The following FGD4 variants were observed in gnomAD, a reference collection of about 807,000 sequenced individuals.
FGD4 encodes FYVE, RhoGEF and PH domain containing 4.
In FGD4, 42 loss-of-function variants were observed where a neutral mutation model predicts 102.0. The ratio of observed to expected loss-of-function variants is 0.41; its 90% CI spans 0.32 to 0.53. The LOEUF is 0.53. Among genes scored for constraint, FGD4 ranks in the 20% least tolerant of loss-of-function variants. The probability of loss-of-function intolerance (pLI) is 0.21; values close to 1 mark genes in which losing one functional copy is unlikely to be tolerated. For missense variants in FGD4, 902 were observed against 1,078.2 expected (o/e 0.84, Z 2.29); for synonymous variants, 380 against 375.7 (o/e 1.01, Z -0.13).
chr12:32,499,409 A>G (rs1938025520), intron 1 of FGD4, among the ~76,000 whole-genome samples: 1 of 152,218 alleles, frequency 6.6e-6, no homozygotes, highest in East Asian at 1.9e-4. Context: ...AGAGGACATT[A>G]CTATTCCTTA....
At chr12:32,473,411 G>A (rs571940021) in intron 1 of FGD4, among the ~76,000 whole-genome samples, 25 of 151,976 alleles carry the variant, frequency 1.6e-4, no homozygotes, top group Non-Finnish European at 1.2e-4. Flanking sequence ...GAGCCCACTG[G>A]GGGGAAGGAA....
At chr12:32,525,290 TGA>T (rs1425937442) in intron 1 of FGD4, among the ~76,000 whole-genome samples, 1 of 152,192 alleles carries the variant, frequency 6.6e-6, no homozygotes, top group Non-Finnish European at 1.5e-5. Flanking sequence ...AACAAGGCTG[TGA>T]GAGTTATGAA....
At chr12:32,572,630 T>C (rs778279766) in intron 2 of FGD4, among the ~76,000 whole-genome samples, 7 of 152,256 alleles carry the variant, frequency 4.6e-5, no homozygotes, top group Non-Finnish European at 8.8e-5. Context: ...ATTTATAATC[T>C]TTTCCCTTCT....
intron 1 of FGD4, among the ~76,000 whole-genome samples, chr12:32,460,739 A>G (rs1943081824): frequency 6.6e-6 from 1 of 152,158 alleles, no homozygotes; most frequent in Admixed American, 6.5e-5. Context: ...TGATTATATG[A>G]TTTCCTTTGC....
chr12:32,582,617 C>A, intron 4 of FGD4, 150 bp downstream of exon 4: 1 of 958,370 alleles, frequency 1.0e-6, no homozygotes, highest in Non-Finnish European at 1.6e-6. Flanking sequence ...TGCTGATTAG[C>A]ATTTCCCCTA....
chr12:32,563,898 G>T (rs1000231197), intron 1 of FGD4, among the ~76,000 whole-genome samples: 2 of 152,126 alleles, frequency 1.3e-5, no homozygotes, highest in African/African-American at 4.8e-5. Context: ...GCACTCGGCA[G>T]GCTGAGGCAG....
chr12:32,472,824 C>T (rs994929437), intron 1 of FGD4, among the ~76,000 whole-genome samples: 4 of 152,020 alleles, frequency 2.6e-5, no homozygotes, highest in Admixed American at 6.6e-5. Flanking sequence ...ATCAGCATCC[C>T]GTGTTTAGCT....
chr12:32,562,223 C>G (rs985554541), intron 1 of FGD4, among the ~76,000 whole-genome samples: 9 of 152,158 alleles, frequency 5.9e-5, no homozygotes, highest in Non-Finnish European at 1.0e-4. Flanking sequence ...TTCTGTGGCC[C>G]TGCAAGGAGA....
intron 1 of FGD4, chr12:32,502,055 C>T: frequency 1.0e-6 from 1 of 985,440 alleles, no homozygotes; most frequent in Non-Finnish European, 1.2e-6. Flanking sequence ...AGCACAAAGA[C>T]AGCGATTGTT....
intron 3 of FGD4, among the ~76,000 whole-genome samples, chr12:32,579,291 G>A (rs934463634): frequency 1.3e-5 from 2 of 151,978 alleles, no homozygotes; most frequent in South Asian, 2.1e-4. Context: ...TGATCTGCCC[G>A]CCTTGGCCTC....
Position 32,624,507 on chromosome 12 carries a change from A to G in FGD4, c.1953+55A>G. ...CTTTTTTTTTTTGAGGCAGAGTCTC[A>G]CTCTCACCCAGTCTGGAGTGCAGTG... On this transcript the variant is annotated intron_variant, in intron 12 of 16. Coordinates refer to ENST00000534526, the MANE Select transcript of FGD4 (RefSeq NM_001370298.3). 2.1e-6 allele frequency: 3 copies of G among 1,409,260 alleles called. 1 individual carries two copies. Among genetic ancestry groups the G allele is most frequent in the Non-Finnish European group, 2.9e-6 (3 of 1,022,006 alleles). 87.3% of individuals were successfully genotyped at this position (1,409,260 alleles called of 1,614,324 possible).
At chr12:32,432,809 C>A (rs1374251167) in intron 1 of FGD4, among the ~76,000 whole-genome samples, 1 of 152,078 alleles carries the variant, frequency 6.6e-6, no homozygotes, top group African/African-American at 2.4e-5. Flanking sequence ...AGAAGAGTTC[C>A]TGGCTCATAT....
chr12:32,434,860 G>A (rs1393353416), intron 1 of FGD4, among the ~76,000 whole-genome samples: 1 of 152,112 alleles, frequency 6.6e-6, no homozygotes, highest in South Asian at 2.1e-4. Flanking sequence ...GATTGAATAA[G>A]ATGAAAAAAA....
intron 8 of FGD4, among the ~76,000 whole-genome samples, chr12:32,608,658 A>C (rs1026736615): frequency 1.3e-5 from 2 of 152,190 alleles, no homozygotes; most frequent in African/African-American, 4.8e-5. Flanking sequence ...TTAAAGGCTT[A>C]TGAGTTTCAA....
At chr12:32,538,337 T>C (rs778111120) in intron 1 of FGD4, among the ~76,000 whole-genome samples, 6 of 152,368 alleles carry the variant, frequency 3.9e-5, no homozygotes, top group Non-Finnish European at 8.8e-5. Context: ...AATACATTTC[T>C]AATATTCAGT....
intron 8 of FGD4, among the ~76,000 whole-genome samples, 183 bp from the exon 9 acceptor site, chr12:32,610,593 G>A (rs1006023911): frequency 3.3e-5 from 5 of 152,160 alleles, no homozygotes; most frequent in African/African-American, 9.7e-5. Flanking sequence ...AAGGAAATAC[G>A]AAGTTTCAAG....
Position 32,566,765 on chromosome 12 carries a change from G to T in FGD4, c.319+2476G>T, listed in dbSNP as rs75174285. On this transcript the variant is annotated intron_variant, in intron 2 of 16. Coordinates refer to ENST00000534526, the MANE Select transcript of FGD4 (RefSeq NM_001370298.3). ...TGATGGAGGCAGAGAAGAGAAGGGG[G>T]TGTTAATAGGGACCTACTGCATGGA... Among the ~76,000 whole-genome samples the T allele has an allele frequency of 8.7e-4, 133 of 152,240 alleles. 1 individual carries two copies. In the East Asian group the frequency reaches 0.024, roughly 27 times the overall value.
rs367715398 is a variant in FGD4 at position 32,408,395 on chromosome 12, A to G, written c.166+8436A>G. 3.2e-4 allele frequency among the ~76,000 whole-genome samples: 48 copies of G among 152,094 alleles called. No homozygotes were observed. In the Middle Eastern group the frequency reaches 0.01, roughly 32 times the overall value. ...GTTGGTCAGGCTTGTCTTAACTCTC[A>G]ACCTCAGGTGATCCGCCCACCACGG... On this transcript the variant is annotated intron_variant, in intron 1 of 16. Transcript: ENST00000534526.
At position 32,602,169 on chromosome 12, in the gene FGD4, C is replaced by A; in HGVS notation, c.1256C>A (p.Thr419Asn). 1 of 1,613,950 alleles carries A rather than the reference C, an allele frequency of 6.2e-7. No individual in the cohort carries two copies. The highest frequency in any genetic ancestry group is 8.5e-7 in the Non-Finnish European group (1 of 1,179,996). ...LEKRMQEWET[T>N]PRIGDILQKL... ...TTCTATATTTGATACAGGGAAACTA[C>A]TCCTAGAATTGGAGACATCCTTCAG... Residue 419 changes from threonine (T) to asparagine (N), a missense_variant, in exon 7 of 17, where the codon ACT (threonine) becomes AAT (asparagine). Physicochemically the swap from Thr to Asn is moderately conservative, Grantham distance 65. Coordinates refer to ENST00000534526, the MANE Select transcript of FGD4 (RefSeq NM_001370298.3).
Sources: gnomAD v4.1 joint callset for allele counts (sites outside exome capture counted in the v4.1 genomes callset) on GRCh38, gnomAD v4.1.1 for gene constraint, MANE v1.5 for transcripts, NCBI Gene and HGNC (gene_info 2026-07-23, HGNC 2026-07-21) for gene names.